Variants in RANBP2 observed in about 807,000 individuals in gnomAD.
RANBP2 encodes the protein E3 SUMO-protein ligase RanBP2.
In RANBP2, 57 loss-of-function variants were observed where a neutral mutation model predicts 303.6. The observed-to-expected ratio is 0.19, with a 90% CI of 0.15 to 0.23. RANBP2 has a LOEUF of 0.23. Ranked by LOEUF, RANBP2 falls within the 10% of genes least tolerant of loss-of-function variation. RANBP2 has a pLI of 1.00. For missense variants in RANBP2, 3,138 were observed against 3,780.8 expected, an observed-to-expected ratio of 0.83 and a Z score of 4.46; for synonymous variants, 1,167 against 1,301.5, an observed-to-expected ratio of 0.90 and a Z score of 2.23.
chr2:109,454,188 G>A, the RANBP2 span, among the ~76,000 whole-genome samples: 6 of 152,296 alleles, frequency 3.9e-5, no homozygotes, highest in East Asian at 1.9e-4. Flanking sequence ...AAAATAGGAG[G>A]AAATACTTAC....
chr2:108,741,225 A>G (rs1034148639), intron 7 of RANBP2, among the ~76,000 whole-genome samples: 1 of 152,092 alleles, frequency 6.6e-6, no homozygotes, highest in Non-Finnish European at 1.5e-5. Context: ...TTTGAGACCA[A>G]GTCTCTCTGT....
At chr2:109,715,690 A>G in the RANBP2 span, among the ~76,000 whole-genome samples, 1 of 152,128 alleles carries the variant, frequency 6.6e-6, no homozygotes, top group Non-Finnish European at 1.5e-5. Flanking sequence ...ATTGGGGGTC[A>G]GCTCAACCTT....
At chr2:109,248,775 TTCTTTCTGTCTTTC>T in the RANBP2 span, among the ~76,000 whole-genome samples, 11 of 151,154 alleles carry the variant, frequency 7.3e-5, no homozygotes, top group African/African-American at 2.7e-4. Flanking sequence ...TCTCTTTCTC[TTCTTTCTGTCTTTC>T]TCTTTCTGTC....
chr2:108,820,502 A>G, the RANBP2 span, among the ~76,000 whole-genome samples: 1 of 152,166 alleles, frequency 6.6e-6, no homozygotes, highest in Admixed American at 6.5e-5. Context: ...AAGGAACTCC[A>G]GAGAGGACAA....
the RANBP2 span, among the ~76,000 whole-genome samples, chr2:108,808,543 T>C: frequency 6.6e-6 from 1 of 152,202 alleles, no homozygotes; most frequent in Admixed American, 6.5e-5. Context: ...GTCTTTTTCA[T>C]AGCCTTTCTA....
chr2:109,483,418 C>T, the RANBP2 span, among the ~76,000 whole-genome samples: 1 of 152,220 alleles, frequency 6.6e-6, no homozygotes, highest in Non-Finnish European at 1.5e-5. Flanking sequence ...GGAGCGTATG[C>T]TCTCGGTGCC....
the RANBP2 span, among the ~76,000 whole-genome samples, chr2:109,694,015 C>T: frequency 3.9e-5 from 6 of 152,076 alleles, no homozygotes; most frequent in African/African-American, 9.7e-5. Flanking sequence ...TGAGGTATGC[C>T]TGTGTGTGTG....
chr2:109,071,673 C>G, the RANBP2 span, among the ~76,000 whole-genome samples: 1 of 146,930 alleles, frequency 6.8e-6, no homozygotes, highest in Non-Finnish European at 1.5e-5. Flanking sequence ...GACTCTATCT[C>G]AAAAAAAAAA....
the RANBP2 span, among the ~76,000 whole-genome samples, chr2:108,905,179 G>T: frequency 6.6e-6 from 1 of 152,180 alleles, no homozygotes; most frequent in Non-Finnish European, 1.5e-5. Context: ...TGACTCTAAT[G>T]TTCATCAGAG....
At chr2:109,161,130 C>G in the RANBP2 span, among the ~76,000 whole-genome samples, 1 of 152,160 alleles carries the variant, frequency 6.6e-6, no homozygotes, top group Non-Finnish European at 1.5e-5. Context: ...CCTGATGTAT[C>G]CTTGTTACTA....
the RANBP2 span, among the ~76,000 whole-genome samples, chr2:109,536,883 CTCTT>C: frequency 1.3e-5 from 2 of 151,292 alleles, no homozygotes; most frequent in African/African-American, 4.8e-5. Context: ...CACAAGCTCT[CTCTT>C]TGCCTGCTGT....
At chr2:108,976,979 C>T in the RANBP2 span, among the ~76,000 whole-genome samples, 121 of 152,252 alleles carry the variant, frequency 7.9e-4, no homozygotes, top group Non-Finnish European at 1.5e-3. Context: ...ACAGTGAGGA[C>T]TGACAAATGC....
At chr2:109,368,568 ACTTG>A in the RANBP2 span, among the ~76,000 whole-genome samples, 4 of 151,904 alleles carry the variant, frequency 2.6e-5, no homozygotes, top group Non-Finnish European at 4.4e-5. Flanking sequence ...TCTAATATTC[ACTTG>A]CTTCTAATTT....
At chr2:109,572,609 CTTTTTTTT>C in the RANBP2 span, among the ~76,000 whole-genome samples, 14 of 111,202 alleles carry the variant, frequency 1.3e-4, no homozygotes, top group South Asian at 3.0e-4. Context: ...TTTAAAACAA[CTTTTTTTT>C]TTTTTTTTTT....
At chr2:109,605,282 C>G in the RANBP2 span, 5 of 152,012 alleles carry the variant, frequency 3.3e-5, no homozygotes, top group African/African-American at 9.7e-5. Context: ...CCAGCCTGCC[C>G]AACATGGTGA....
the RANBP2 span, among the ~76,000 whole-genome samples, chr2:109,039,823 T>G: frequency 6.6e-6 from 1 of 152,172 alleles, no homozygotes; most frequent in African/African-American, 2.4e-5. Context: ...ATTTGTTATG[T>G]GTATCTTTTT....
At chr2:108,890,129 ATT>A in the RANBP2 span, among the ~76,000 whole-genome samples, 162 of 144,670 alleles carry the variant, frequency 1.1e-3, no homozygotes, top group Middle Eastern at 3.5e-3. Context: ...CTTGGCTGAC[ATT>A]TTTTTTTTTT....
the RANBP2 span, among the ~76,000 whole-genome samples, chr2:108,975,076 G>A: frequency 6.6e-6 from 1 of 152,198 alleles, no homozygotes; most frequent in African/African-American, 2.4e-5. Flanking sequence ...CTTTTCCACG[G>A]AGCCTAGCCC....
the RANBP2 span, among the ~76,000 whole-genome samples, chr2:109,676,698 T>C: frequency 6.6e-6 from 1 of 152,216 alleles, no homozygotes; most frequent in Admixed American, 6.5e-5. Flanking sequence ...TCCACACAAG[T>C]GCTTTGCAAA....
Sources: gnomAD v4.1 joint callset for allele counts (sites outside exome capture counted in the v4.1 genomes callset) on GRCh38, gnomAD v4.1.1 for gene constraint, MANE v1.5 for transcripts, NCBI Gene and HGNC (gene_info 2026-07-23, HGNC 2026-07-21) for gene names.